NFIC: variants seen among roughly 807,000 people sequenced by gnomAD.
NFIC encodes nuclear factor I C, also known as nuclear factor 1 C-type.
In NFIC, 12 loss-of-function variants were observed where a neutral mutation model predicts 54.4. The observed-to-expected ratio is 0.22, with a 90% CI of 0.14 to 0.36. The LOEUF is 0.36. NFIC is among the 10% of genes least tolerant of loss of function. NFIC has a pLI of 1.00. For missense variants in NFIC, 575 were observed against 718.2 expected (o/e 0.80, Z 2.28); for synonymous variants, 322 against 319.2 (o/e 1.01, Z -0.09).
intron 2 of NFIC, among the ~76,000 whole-genome samples, chr19:3,416,106 T>C (rs1165948786): frequency 1.3e-5 from 2 of 149,694 alleles, no homozygotes; most frequent in Non-Finnish European, 3.0e-5. Flanking sequence ...GAGCCTGCAG[T>C]GAGCTATGAT....
intron 2 of NFIC, among the ~76,000 whole-genome samples, chr19:3,412,899 G>C (rs1002494411): frequency 2.0e-5 from 3 of 152,316 alleles, no homozygotes; most frequent in African/African-American, 7.2e-5. Context: ...ATAAAGAACA[G>C]AGGAGGAAGC....
At chr19:3,437,649 GAAA>G (rs954270994) in intron 6 of NFIC, among the ~76,000 whole-genome samples, 1 of 79,628 alleles carries the variant, frequency 1.3e-5, no homozygotes, top group Admixed American at 1.9e-4. Flanking sequence ...AAAAAAAAAA[GAAA>G]AAAAAAGTCA....
At chr19:3,363,444 G>A (rs2080844271), upstream of NFIC, among the ~76,000 whole-genome samples, 1 of 151,074 alleles carries the variant, frequency 6.6e-6, no homozygotes, top group Non-Finnish European at 1.5e-5. Flanking sequence ...GCTAATTTTT[G>A]TAATTTTAGT....
Position 3,425,299 on chromosome 19 carries a change from G to A in NFIC, c.634+122G>A. ...AGATGAGCAGACTGAGGCTCGGAGAGGTTAAGGGGCCTGTCCAGGGGCTAC... is the reference window on the plus strand; with the variant it reads ...AGATGAGCAGACTGAGGCTCGGAGAAGTTAAGGGGCCTGTCCAGGGGCTAC... On this transcript the variant is annotated intron_variant, in intron 3 of 10. Coordinates refer to ENST00000443272, the MANE Select transcript of NFIC (RefSeq NM_001245002.2). 4.2e-6 allele frequency: 5 copies of A among 1,182,896 alleles called. No homozygotes were observed. In the East Asian group the frequency reaches 1.3e-4, roughly 31 times the overall value. 73.3% of individuals were successfully genotyped at this position (1,182,896 alleles called of 1,614,324 possible).
intron 9 of NFIC, among the ~76,000 whole-genome samples, chr19:3,454,698 C>T (rs1367245677): frequency 6.6e-6 from 1 of 151,924 alleles, no homozygotes; most frequent in East Asian, 1.9e-4. Flanking sequence ...GAGACCTCTC[C>T]CCATGGACTC....
At chr19:3,450,128 G>T (rs1033987905) in intron 7 of NFIC, among the ~76,000 whole-genome samples, 1 of 150,944 alleles carries the variant, frequency 6.6e-6, no homozygotes, top group African/African-American at 2.4e-5. Context: ...GGCGGATTAC[G>T]AGGTCAGGAG....
chr19:3,444,776 C>G (rs7254992), intron 6 of NFIC, among the ~76,000 whole-genome samples: 13,312 of 152,256 alleles, frequency 0.087, 1,871 homozygotes, highest in African/African-American at 0.3. Context: ...CGTGGCCCTG[C>G]GCTTGCAGGG....
At chr19:3,445,720 G>A (rs981360128) in intron 6 of NFIC, among the ~76,000 whole-genome samples, 1 of 152,202 alleles carries the variant, frequency 6.6e-6, no homozygotes, top group Non-Finnish European at 1.5e-5. Context: ...CCATCAGAGA[G>A]GACGGAAGTT....
At chr19:3,391,924 C>T (rs779873873) in intron 2 of NFIC, among the ~76,000 whole-genome samples, 15 of 152,100 alleles carry the variant, frequency 9.9e-5, no homozygotes, top group Non-Finnish European at 2.1e-4. Context: ...TTATCATGAT[C>T]GTCATCACTG....
intron 3 of NFIC, among the ~76,000 whole-genome samples, chr19:3,433,030 CAAT>C (rs1433830780): frequency 6.6e-6 from 1 of 151,822 alleles, no homozygotes; most frequent in Admixed American, 6.6e-5. Context: ...AGTGGCACAA[CAAT>C]GGTTCATTGC....
At chr19:3,448,871 A>G (rs4807473) in intron 6 of NFIC, 143 bp from the exon 7 acceptor site, 768,159 of 1,319,046 alleles carry the variant, frequency 0.58, 236,403 homozygotes, top group Non-Finnish European at 0.64. Flanking sequence ...TAATGGGCTC[A>G]CAGCCTCTCC....
At chr19:3,421,446 G>A (rs1216254970) in intron 2 of NFIC, among the ~76,000 whole-genome samples, 1 of 152,256 alleles carries the variant, frequency 6.6e-6, no homozygotes, top group African/African-American at 2.4e-5. Flanking sequence ...GCTCCGAGGG[G>A]CCGCTGGCAG....
rs2082603758 is a variant in NFIC, at chr19:3,459,138, C to T, written c.1509+2503C>T. On this transcript the variant is annotated intron_variant, in intron 10 of 10. Transcript: ENST00000443272. The surrounding 1 kb of genome is among the most constrained non-coding windows in gnomAD (Gnocchi z 4.2). ...CCAGTCAGCACTTCTGCCTCCGCCT[C>T]CTCTATTCCTGGCGGATTCGCTTCC... Among the ~76,000 whole-genome samples, 1 of 152,144 alleles carries T rather than the reference C, an allele frequency of 6.6e-6. No individual in the cohort carries two copies. The highest frequency in any genetic ancestry group is 2.4e-5 in the African/African-American group (1 of 41,418).
At chr19:3,445,376 C>A (rs2082360307) in intron 6 of NFIC, among the ~76,000 whole-genome samples, 1 of 152,230 alleles carries the variant, frequency 6.6e-6, no homozygotes, top group African/African-American at 2.4e-5. Flanking sequence ...TCCCACTGGG[C>A]AGTGGGGCCT....
Position 3,463,109 on chromosome 19 carries a change from A to G in NFIC, c.*340A>G. On this transcript the variant is annotated 3_prime_UTR_variant, in exon 11 of 11. Coordinates refer to ENST00000443272, the MANE Select transcript of NFIC (RefSeq NM_001245002.2). ...GAGACCCGGGACAGGGCGTCTTCCT[A>G]AGTTATTCATCTCCTCTCCGCCTGC... 1.6e-6 allele frequency: 2 copies of G among 1,222,282 alleles called. No homozygotes were observed. Among genetic ancestry groups the G allele is most frequent in the Non-Finnish European group, 2.0e-6 (2 of 977,810 alleles). The allele number at this position is 1,222,282 out of a possible 1,614,324, so 75.7% of individuals were successfully genotyped here.
rs942633350 is a variant in NFIC at position 3,464,278 on chromosome 19, C to T, written c.*1509C>T. On this transcript the variant is annotated 3_prime_UTR_variant, in exon 11 of 11. Coordinates refer to ENST00000443272, the MANE Select transcript of NFIC (RefSeq NM_001245002.2). ...CCCCGCTCGGAACGGGGAGGGTTTT[C>T]GGGGGGTTCGGCGTCGCACCTTGGG... 2 of 985,220 alleles carry T rather than the reference C, an allele frequency of 2.0e-6. No homozygotes were observed. Among genetic ancestry groups the T allele is most frequent in the African/African-American group, 1.7e-5 (1 of 57,206 alleles). 61.0% of individuals were successfully genotyped at this position (985,220 alleles called of 1,614,324 possible).
At chr19:3,451,291 G>C (rs528866196) in intron 7 of NFIC, among the ~76,000 whole-genome samples, 9 of 152,254 alleles carry the variant, frequency 5.9e-5, no homozygotes, top group South Asian at 2.1e-4. Flanking sequence ...TGCTGGGGCT[G>C]GGGGAGGAGG....
rs577841824 is a variant in NFIC, at chr19:3,377,045, T to TA, written c.31-4657dup. Among the ~76,000 whole-genome samples, 778 of 138,564 alleles carry TA rather than the reference T, an allele frequency of 5.6e-3. 4 individuals are homozygous for TA. The highest frequency in any genetic ancestry group is 0.017 in the African/African-American group (657 of 37,766). The allele number at this position is 138,564 out of a possible 152,430, so 90.9% of individuals were successfully genotyped here. A position where few individuals can be genotyped will look rare whatever the true frequency, so the allele number is the denominator to read the frequency against. On this transcript the variant is annotated intron_variant, in intron 1 of 10. Transcript: ENST00000443272. ...ACACCAGGCTGAGACCCCCATCTCT[T>TA]AAAAAAAAAAGTAATAAAAATCACA...
intron 2 of NFIC, among the ~76,000 whole-genome samples, chr19:3,384,800 G>A (rs2081266695): frequency 6.6e-6 from 1 of 152,028 alleles, no homozygotes; most frequent in South Asian, 2.1e-4. Flanking sequence ...GGGGCACTGG[G>A]GACGGTGGGG....
Sources: gnomAD v4.1 joint callset for allele counts (sites outside exome capture counted in the v4.1 genomes callset) on GRCh38, gnomAD v4.1.1 for gene constraint, Gnocchi (gnomAD v3.1) non-coding constraint, MANE v1.5 for transcripts, NCBI Gene and HGNC (gene_info 2026-07-23, HGNC 2026-07-21) for gene names.